Variants in AKAP13 observed in about 807,000 individuals in gnomAD.
The protein encoded by AKAP13 is A-kinase anchor protein 13.
A neutral mutation model predicts 264.5 loss-of-function variants in AKAP13; 80 were observed. The observed-to-expected ratio is 0.30, with a 90% CI of 0.25 to 0.36. The LOEUF (loss-of-function observed/expected upper bound fraction) is 0.36. Among genes scored for constraint, AKAP13 ranks in the 10% least tolerant of loss-of-function variants. The probability of loss-of-function intolerance (pLI) is 1.00; values close to 1 mark genes in which losing one functional copy is unlikely to be tolerated. For missense variants in AKAP13, 3,712 were observed against 3,435.2 expected, an observed-to-expected ratio of 1.08 and a Z score of -2.01; for synonymous variants, 1,380 against 1,250.2, an observed-to-expected ratio of 1.10 and a Z score of -2.19.
At chr15:85,537,145 A>G (rs1229689804) in intron 4 of AKAP13, 1 of 134,888 alleles carries the variant, frequency 7.4e-6, no homozygotes, top group Non-Finnish European at 1.6e-5. Context: ...TTAATTGATG[A>G]TTAGAATCTG....
chr15:85,395,745 T>G (rs2071079391), intron 1 of AKAP13, among the ~76,000 whole-genome samples: 1 of 152,176 alleles, frequency 6.6e-6, no homozygotes, highest in Admixed American at 6.5e-5. Context: ...GTACTGTTTT[T>G]GGTTACCTCT....
At chr15:85,432,951 GA>G (rs1555428712) in intron 1 of AKAP13, among the ~76,000 whole-genome samples, 12 of 148,824 alleles carry the variant, frequency 8.1e-5, no homozygotes, top group South Asian at 2.2e-4. Context: ...AATATAGAAA[GA>G]AAAAAAAATA....
At chr15:85,681,470 T>A (rs2084594871) in intron 14 of AKAP13, among the ~76,000 whole-genome samples, 1 of 152,182 alleles carries the variant, frequency 6.6e-6, no homozygotes. Context: ...AGAATTTTAA[T>A]GACCTGCGGC....
chr15:85,658,402 T>G, intron 11 of AKAP13, 135 bp from the exon 12 acceptor site: 1 of 632,786 alleles, frequency 1.6e-6, no homozygotes, highest in Non-Finnish European at 2.6e-6. Flanking sequence ...TCATTCCACA[T>G]TCCTTCATTC....
chr15:85,619,056 A>C (rs907689464), intron 8 of AKAP13, among the ~76,000 whole-genome samples: 3 of 152,116 alleles, frequency 2.0e-5, no homozygotes, highest in Non-Finnish European at 4.4e-5. Flanking sequence ...TGTGGTGTTT[A>C]GTATAACACC....
At chr15:85,420,458 T>C (rs1369060650) in intron 1 of AKAP13, among the ~76,000 whole-genome samples, 1 of 152,146 alleles carries the variant, frequency 6.6e-6, no homozygotes, top group African/African-American at 2.4e-5. Flanking sequence ...AAAGAATGGA[T>C]GCAGGGTATG....
chr15:85,671,855 C>T (rs1439773930), intron 14 of AKAP13, among the ~76,000 whole-genome samples: 1 of 152,186 alleles, frequency 6.6e-6, no homozygotes, highest in Non-Finnish European at 1.5e-5. Flanking sequence ...TGTACTTCTA[C>T]AGCAACAGAT....
At chr15:85,585,647 A>G (rs927883664) in intron 7 of AKAP13, 55 bp from the exon 8 acceptor site, 3 of 1,609,474 alleles carry the variant, frequency 1.9e-6, no homozygotes, top group Middle Eastern at 1.7e-4. Flanking sequence ...TATGAATAGT[A>G]AGGCACAGGA....
Position 85,582,036 on chromosome 15 carries a change from C to G in AKAP13, c.3968C>G (p.Ala1323Gly). The G allele has an allele frequency of 6.2e-7, 1 of 1,613,992 alleles. No homozygotes were observed. The highest frequency in any genetic ancestry group is 8.5e-7 in the Non-Finnish European group (1 of 1,179,966). ...CCTGAGGAAGCCACGGGGAGCCTTG[C>G]AGGATGTTTTGCTGGAAGGGAGGAG... The part of the protein sequence containing the change: ...STPEEATGSL[A>G]GCFAGREEPE... Residue 1323 changes from alanine (A) to glycine (G), a missense_variant, in exon 7 of 37, where the codon GCA (alanine) becomes GGA (glycine). By Grantham distance (60) the Ala-to-Gly change is moderately conservative (BLOSUM62 0). Coordinates refer to ENST00000394518, the MANE Select transcript of AKAP13 (RefSeq NM_007200.5).
intron 3 of AKAP13, among the ~76,000 whole-genome samples, chr15:85,527,413 A>G (rs527728514): frequency 1.1e-4 from 16 of 152,346 alleles, no homozygotes; most frequent in Non-Finnish European, 2.1e-4. Flanking sequence ...TTACAGTGAT[A>G]TATAAAACAC....
At chr15:85,518,881 G>C (rs2076704806) in intron 2 of AKAP13, among the ~76,000 whole-genome samples, 1 of 152,124 alleles carries the variant, frequency 6.6e-6, no homozygotes, top group Admixed American at 6.5e-5. Flanking sequence ...AAACTTACTT[G>C]TAAAAAGAGG....
intron 5 of AKAP13, among the ~76,000 whole-genome samples, chr15:85,555,815 T>A (rs1029062846): frequency 2.6e-5 from 4 of 152,124 alleles, no homozygotes; most frequent in African/African-American, 7.2e-5. Context: ...TTGAATTTTG[T>A]TGTATCATAT....
intron 14 of AKAP13, among the ~76,000 whole-genome samples, chr15:85,676,149 G>A (rs1000867179): frequency 6.6e-6 from 1 of 152,144 alleles, no homozygotes; most frequent in African/African-American, 2.4e-5. Flanking sequence ...CTGACCTCAT[G>A]ATTTGCCCAC....
Position 85,392,729 on chromosome 15 carries a change from A to G in AKAP13, c.-12+11931A>G, listed in dbSNP as rs186884370. Reference sequence around the variant, plus strand: ...CTCTGGGTGGTTTTGAAATGAGTCCATAACAGTTCCTGGAAAAATTGTTAG... The same window carrying G: ...CTCTGGGTGGTTTTGAAATGAGTCCGTAACAGTTCCTGGAAAAATTGTTAG... On this transcript the variant is annotated intron_variant, in intron 1 of 36. Coordinates refer to ENST00000394518, the MANE Select transcript of AKAP13 (RefSeq NM_007200.5). 1.1e-4 allele frequency among the ~76,000 whole-genome samples: 16 copies of G among 152,276 alleles called. No individual in the cohort carries two copies. In the East Asian group the frequency reaches 2.5e-3, roughly 24 times the overall value.
intron 2 of AKAP13, among the ~76,000 whole-genome samples, chr15:85,515,485 G>C (rs1388316466): frequency 7.2e-6 from 1 of 138,672 alleles, no homozygotes; most frequent in Non-Finnish European, 1.5e-5. Flanking sequence ...TTGGTTCCAT[G>C]TTAATCTGTA....
Position 85,671,638 on chromosome 15 carries a change from A to AT in AKAP13, c.5101+1823dup, listed in dbSNP as rs11321427. On this transcript the variant is annotated intron_variant, in intron 14 of 36. Transcript: ENST00000394518. The stretch of plus-strand genomic sequence containing the variant: ...GCTTTTCCTGTTTTTGCTTGTTTGG[A>AT]TTTTTTTTTTTTTTTAATTTGGCTT... Among the ~76,000 whole-genome samples, 931 of 148,698 alleles carry AT rather than the reference A, an allele frequency of 6.3e-3. 7 individuals are homozygous for AT. The highest frequency in any genetic ancestry group is 8.2e-3 in the Non-Finnish European group (554 of 67,182).
At chr15:85,591,091 A>C (rs1015704225) in intron 8 of AKAP13, among the ~76,000 whole-genome samples, 1 of 152,232 alleles carries the variant, frequency 6.6e-6, no homozygotes, top group Non-Finnish European at 1.5e-5. Context: ...ATTTGAAAGA[A>C]CCTTAAAGAT....
chr15:85,683,986 A>G (rs1214954939), intron 15 of AKAP13, among the ~76,000 whole-genome samples: 1 of 152,210 alleles, frequency 6.6e-6, no homozygotes, highest in Non-Finnish European at 1.5e-5. Context: ...GGACCAGTCC[A>G]CAGTCCTGAT....
In AKAP13 at chr15:85,719,119, C is replaced by T. The variant is rs866188598; in HGVS notation, c.6045C>T (p.Ile2015=). The T allele has an allele frequency of 1.2e-6, 2 of 1,614,148 alleles. No individual in the cohort carries two copies. Among genetic ancestry groups the T allele is most frequent in the Non-Finnish European group, 1.7e-6 (2 of 1,180,044 alleles). ...TTCATCATGTCCGCACTCTCAAGAT[C>T]ATGAGTGGTGTGTACAGCCAGGGGA... ...TEFHHVRTLK[I]MSGVYSQGMM... Residue 2015 remains isoleucine (I), a synonymous_variant, in exon 23 of 37, where the codon ATC becomes ATT. Coordinates refer to ENST00000394518, the MANE Select transcript of AKAP13 (RefSeq NM_007200.5).
Sources: allele counts gnomAD v4.1 joint callset (sites outside exome capture counted in the v4.1 genomes callset), GRCh38; gene constraint gnomAD v4.1.1; transcripts MANE v1.5; gene names NCBI Gene and HGNC (gene_info 2026-07-23, HGNC 2026-07-21).